The following COLEC12 variants were observed in gnomAD, a reference collection of about 807,000 sequenced individuals.
The protein encoded by COLEC12 is collectin subfamily member 12, also known as collectin-12.
Under a neutral mutation model 71.1 loss-of-function variants are expected in COLEC12, and 33 were observed. The observed-to-expected ratio is 0.46, with a 90% CI of 0.35 to 0.62. COLEC12 has a LOEUF of 0.62. COLEC12 is among the 20% of genes least tolerant of loss of function. The probability of loss-of-function intolerance (pLI) is 0.00; values close to 1 mark genes in which losing one functional copy is unlikely to be tolerated. For missense variants in COLEC12, 765 were observed against 916.1 expected (o/e 0.84, Z 2.13); for synonymous variants, 350 against 353.0 (o/e 0.99, Z 0.10).
At chr18:367,508 G>A (rs996897914) in intron 2 of COLEC12, among the ~76,000 whole-genome samples, 2 of 152,146 alleles carry the variant, frequency 1.3e-5, no homozygotes, top group African/African-American at 4.8e-5. Flanking sequence ...GATGATAGTC[G>A]AAGACACTTA....
chr18:403,797 G>T (rs538075472), intron 2 of COLEC12, among the ~76,000 whole-genome samples: 3 of 151,276 alleles, frequency 2.0e-5, no homozygotes, highest in African/African-American at 4.8e-5. Context: ...AGCCAATTTT[G>T]CCAGGTCACT....
Position 319,580 on chromosome 18 carries a change from C to T in COLEC12, c.*465G>A, listed in dbSNP as rs1487657391. The stretch of plus-strand genomic sequence containing the variant: ...GTACAAAAATACAAAGTTTTAAAAG[C>T]TCTTTAAGTATATTTCATATTATTA... On this transcript the variant is annotated 3_prime_UTR_variant, in exon 10 of 10. Transcript: ENST00000400256. The T allele has an allele frequency of 6.7e-6, 1 of 150,238 alleles. No homozygotes were observed. The highest frequency in any genetic ancestry group is 1.5e-5 in the Non-Finnish European group (1 of 67,918). 9.3% of individuals were successfully genotyped at this position (150,238 alleles called of 1,614,324 possible).
chr18:439,308 A>T (rs1916466963), intron 2 of COLEC12, among the ~76,000 whole-genome samples: 1 of 152,206 alleles, frequency 6.6e-6, no homozygotes, highest in Admixed American at 6.5e-5. Context: ...AACCAAAATG[A>T]TATACGATCT....
intron 2 of COLEC12, among the ~76,000 whole-genome samples, chr18:444,571 G>A (rs527840039): frequency 2.4e-4 from 36 of 152,178 alleles, no homozygotes; most frequent in Non-Finnish European, 4.6e-4. Flanking sequence ...ATCCTCAGAA[G>A]TGGCTTCCAA....
chr18:439,450 A>G (rs575707944), intron 2 of COLEC12, among the ~76,000 whole-genome samples: 1 of 151,692 alleles, frequency 6.6e-6, no homozygotes, highest in African/African-American at 2.4e-5. Context: ...ACTAATATAC[A>G]CAACAAACCA....
In COLEC12 at chr18:434,066, T is replaced by C. The variant is rs149342911; in HGVS notation, c.58+46641A>G. 7.8e-4 allele frequency among the ~76,000 whole-genome samples: 119 copies of C among 152,016 alleles called. 1 individual carries two copies. The highest frequency in any genetic ancestry group is 2.7e-3 in the African/African-American group (111 of 41,476). Reference sequence around the variant, plus strand: ...AAGAGAAGAGAAGAGCCAAATACCCTGCAAAGTCTACTATAAAAATCATAC... The same window carrying C: ...AAGAGAAGAGAAGAGCCAAATACCCCGCAAAGTCTACTATAAAAATCATAC... On this transcript the variant is annotated intron_variant, in intron 2 of 9. Coordinates refer to ENST00000400256, the MANE Select transcript of COLEC12 (RefSeq NM_130386.3).
chr18:488,582 G>A (rs1474912448), intron 1 of COLEC12, among the ~76,000 whole-genome samples: 1 of 152,074 alleles, frequency 6.6e-6, no homozygotes, highest in Non-Finnish European at 1.5e-5. Flanking sequence ...TAGAGGCTAG[G>A]TGCAGTGGCT....
intron 2 of COLEC12, among the ~76,000 whole-genome samples, chr18:469,369 C>T (rs1567917658): frequency 6.6e-6 from 1 of 152,192 alleles, no homozygotes; most frequent in Non-Finnish European, 1.5e-5. Context: ...TATGCAAATA[C>T]ACCGCTGTTT....
Position 362,702 on chromosome 18 carries a change from C to CA in COLEC12, c.59-5181dup, listed in dbSNP as rs1914773182. On this transcript the variant is annotated intron_variant, in intron 2 of 9. Transcript: ENST00000400256. The surrounding 1 kb of genome is among the most constrained non-coding windows in gnomAD (Gnocchi z 4.6). The stretch of plus-strand genomic sequence containing the variant: ...CTCACCATTAAGAGATCCAGCGTGC[C>CA]AAAGAACCTGGCGCCAATAGCACAT... Among the ~76,000 whole-genome samples, 1 of 152,034 alleles carries CA rather than the reference C, an allele frequency of 6.6e-6. No individual in the cohort carries two copies. Among genetic ancestry groups the CA allele is most frequent in the South Asian group, 2.1e-4 (1 of 4,824 alleles).
chr18:466,567 C>T (rs1195921335), intron 2 of COLEC12, among the ~76,000 whole-genome samples: 6 of 152,150 alleles, frequency 3.9e-5, no homozygotes, highest in Non-Finnish European at 8.8e-5. Flanking sequence ...CAGGGACAGG[C>T]TTATTAGATG....
chr18:371,109 A>G (rs111539904), intron 2 of COLEC12, among the ~76,000 whole-genome samples: 167 of 152,360 alleles, frequency 1.1e-3, no homozygotes, highest in African/African-American at 3.8e-3. Flanking sequence ...ACCTGTAAAT[A>G]CAACCTACTG....
intron 2 of COLEC12, among the ~76,000 whole-genome samples, chr18:469,451 T>C (rs1266776661): frequency 3.9e-5 from 6 of 152,264 alleles, no homozygotes; most frequent in Non-Finnish European, 8.8e-5. Flanking sequence ...TTATTGTCCA[T>C]GGTGTCCAAC....
At chr18:432,731 T>TTGTA (rs5822565) in intron 2 of COLEC12, among the ~76,000 whole-genome samples, 1 of 151,810 alleles carries the variant, frequency 6.6e-6, no homozygotes, top group Non-Finnish European at 1.5e-5. Flanking sequence ...ACATCTGATA[T>TTGTA]ACTGTCTATC....
intron 2 of COLEC12, among the ~76,000 whole-genome samples, chr18:466,198 C>T (rs1917082773): frequency 6.6e-6 from 1 of 152,176 alleles, no homozygotes. Flanking sequence ...TGAGATCGCA[C>T]CACTGCACTC....
chr18:357,739 A>G (rs1263279617), intron 2 of COLEC12, among the ~76,000 whole-genome samples: 1 of 152,262 alleles, frequency 6.6e-6, no homozygotes, highest in Non-Finnish European at 1.5e-5. Flanking sequence ...ATGACTTAAA[A>G]ATAGCACATA....
At chr18:377,164 T>C (rs1915131916) in intron 2 of COLEC12, among the ~76,000 whole-genome samples, 1 of 152,226 alleles carries the variant, frequency 6.6e-6, no homozygotes, top group Admixed American at 6.5e-5. Context: ...CTGGAAATCC[T>C]ACAGGAAGTG....
At chr18:328,272 T>C (rs1218123825) in intron 8 of COLEC12, among the ~76,000 whole-genome samples, 1 of 152,162 alleles carries the variant, frequency 6.6e-6, no homozygotes, top group African/African-American at 2.4e-5. Context: ...GGCCAATCCT[T>C]GGAGGCCACA....
chr18:413,679 T>A (rs1005748264), intron 2 of COLEC12, among the ~76,000 whole-genome samples: 2 of 152,178 alleles, frequency 1.3e-5, no homozygotes. Flanking sequence ...TAAAAAAGCA[T>A]CTGTACGTGA....
rs932458474 is a variant in COLEC12, at chr18:318,403, T to C, written c.*1642A>G. 6.6e-6 allele frequency: 1 copy of C among 151,952 alleles called. No individual in the cohort carries two copies. Among genetic ancestry groups the C allele is most frequent in the Non-Finnish European group, 1.5e-5 (1 of 68,026 alleles). The allele number at this position is 151,952 out of a possible 1,614,324, so 9.4% of individuals were successfully genotyped here. On this transcript the variant is annotated 3_prime_UTR_variant, in exon 10 of 10. Transcript: ENST00000400256. The stretch of plus-strand genomic sequence containing the variant: ...TTGAGCATCAGTTATATTTAATGCC[T>C]AGTTTCAGCCCTTTTCATATTAGAC...
Sources: allele counts gnomAD v4.1 joint callset (sites outside exome capture counted in the v4.1 genomes callset), GRCh38; gene constraint gnomAD v4.1.1; non-coding constraint Gnocchi (gnomAD v3.1); transcripts MANE v1.5; gene names NCBI Gene and HGNC (gene_info 2026-07-23, HGNC 2026-07-21).